The following PDE1C variants were observed in gnomAD, a reference collection of about 807,000 sequenced individuals.
PDE1C encodes phosphodiesterase 1C, also known as dual specificity calcium/calmodulin-dependent 3',5'-cyclic nucleotide phosphodiesterase 1C.
In PDE1C, 62 loss-of-function variants were observed where a neutral mutation model predicts 93.1. The observed-to-expected ratio is 0.67, with a 90% CI of 0.54 to 0.82. PDE1C has a LOEUF of 0.82. PDE1C is among the 40% of genes least tolerant of loss of function. The pLI is 0.00. For synonymous variants in PDE1C, 325 were observed against 310.1 expected, an observed-to-expected ratio of 1.05 and a Z score of -0.50; for missense variants, 742 against 884.6, an observed-to-expected ratio of 0.84 and a Z score of 2.04.
intron 2 of PDE1C, among the ~76,000 whole-genome samples, chr7:31,889,580 G>A (rs1313841437): frequency 1.3e-5 from 2 of 152,174 alleles, no homozygotes; most frequent in Non-Finnish European, 2.9e-5. Flanking sequence ...CTATGCCACA[G>A]AGGAGCCCTG....
intron 2 of PDE1C, among the ~76,000 whole-genome samples, chr7:32,043,149 C>T (rs1237526510): frequency 2.0e-5 from 3 of 152,136 alleles, no homozygotes; most frequent in East Asian, 1.9e-4. Flanking sequence ...TCCTACAATG[C>T]ACAGGACAGC....
chr7:31,941,195 C>A (rs1399678515), intron 2 of PDE1C: 1 of 152,922 alleles, frequency 6.5e-6, no homozygotes, highest in African/African-American at 2.4e-5. Context: ...CAAACACACT[C>A]TTTGAGCAAA....
intron 1 of PDE1C, among the ~76,000 whole-genome samples, chr7:32,067,335 C>CA (rs1169417968): frequency 1.3e-5 from 2 of 152,198 alleles, no homozygotes; most frequent in East Asian, 3.9e-4. Context: ...CAAAGCAAAC[C>CA]AAAAACCCTG....
At chr7:31,860,965 C>T (rs1429683790) in intron 7 of PDE1C, among the ~76,000 whole-genome samples, 1 of 152,044 alleles carries the variant, frequency 6.6e-6, no homozygotes, top group African/African-American at 2.4e-5. Context: ...GGGTGATTTT[C>T]CCTATTAAGT....
chr7:32,076,117 A>G (rs1036708900), upstream of PDE1C, among the ~76,000 whole-genome samples: 3 of 152,144 alleles, frequency 2.0e-5, no homozygotes, highest in African/African-American at 7.2e-5. Context: ...ACTATAATAG[A>G]CATAACCTAG....
chr7:31,887,691 A>C (rs1281183108), intron 2 of PDE1C, among the ~76,000 whole-genome samples: 3 of 152,224 alleles, frequency 2.0e-5, no homozygotes, highest in Non-Finnish European at 2.9e-5. Flanking sequence ...AAAACTGACC[A>C]TGTGCAGGGT....
At chr7:31,964,508 T>A (rs1223280393) in intron 2 of PDE1C, among the ~76,000 whole-genome samples, 1 of 152,234 alleles carries the variant, frequency 6.6e-6, no homozygotes, top group Admixed American at 6.5e-5. Flanking sequence ...CCTGCCTGCC[T>A]CTGTAGGCTC....
At chr7:32,019,389 T>C (rs568016347) in intron 2 of PDE1C, among the ~76,000 whole-genome samples, 2 of 152,048 alleles carry the variant, frequency 1.3e-5, no homozygotes, top group Non-Finnish European at 2.9e-5. Flanking sequence ...TACAATATGG[T>C]TGGTGCACAC....
intron 16 of PDE1C, chr7:31,785,910 C>T (rs1048628385): frequency 2.6e-5 from 4 of 152,136 alleles, no homozygotes; most frequent in Admixed American, 6.6e-5. Flanking sequence ...TGTCATTGCT[C>T]ATTATAATTT....
At chr7:31,714,638 T>A in the PDE1C span, among the ~76,000 whole-genome samples, 1 of 152,210 alleles carries the variant, frequency 6.6e-6, no homozygotes, top group Non-Finnish European at 1.5e-5. Flanking sequence ...TTCACATGGC[T>A]GAGGAGGCCT....
chr7:31,960,043 T>G (rs988480400), intron 2 of PDE1C, among the ~76,000 whole-genome samples: 12 of 146,604 alleles, frequency 8.2e-5, no homozygotes, highest in Admixed American at 6.2e-4. Flanking sequence ...TTTTTTTTTG[T>G]ATTGTTAGTA....
chr7:32,338,659 G>A (rs569419455), intron 1 of PDE1C, among the ~76,000 whole-genome samples: 104 of 152,194 alleles, frequency 6.8e-4, no homozygotes, highest in African/African-American at 2.0e-3. Context: ...TGAACACAGC[G>A]TCTCAAAGAG....
At chr7:31,626,109 A>G in the PDE1C span, among the ~76,000 whole-genome samples, 9 of 152,352 alleles carry the variant, frequency 5.9e-5, no homozygotes, top group African/African-American at 2.2e-4. Context: ...AACTTGGCAA[A>G]AACATGTTTT....
chr7:31,868,670 T>A (rs1188235651), intron 6 of PDE1C, among the ~76,000 whole-genome samples: 1 of 152,060 alleles, frequency 6.6e-6, no homozygotes, highest in South Asian at 2.1e-4. Flanking sequence ...AGCAATAGAC[T>A]TAGACACCCA....
intron 1 of PDE1C, among the ~76,000 whole-genome samples, chr7:32,357,988 T>C (rs1467201808): frequency 2.0e-5 from 3 of 152,210 alleles, no homozygotes; most frequent in African/African-American, 7.2e-5. Context: ...CAGGGGCACT[T>C]CCATGGGGCA....
At chr7:31,760,830 AATC>A (rs887584664) in intron 17 of PDE1C, among the ~76,000 whole-genome samples, 2 of 152,052 alleles carry the variant, frequency 1.3e-5, no homozygotes, top group African/African-American at 4.8e-5. Context: ...AAATTAAAAT[AATC>A]ATTTATTGCC....
intron 3 of PDE1C, among the ~76,000 whole-genome samples, chr7:32,141,772 T>C (rs998704755): frequency 3.3e-5 from 5 of 152,020 alleles, no homozygotes; most frequent in African/African-American, 1.2e-4. Context: ...AGTTTGAAGT[T>C]TAGTCAATAG....
intron 2 of PDE1C, among the ~76,000 whole-genome samples, chr7:31,926,722 C>A (rs1803436681): frequency 6.6e-6 from 1 of 152,176 alleles, no homozygotes; most frequent in African/African-American, 2.4e-5. Context: ...AGGGAAGCTG[C>A]TAGGGACTGT....
At chr7:32,233,621 T>G (rs1483711353) in intron 1 of PDE1C, among the ~76,000 whole-genome samples, 1 of 152,072 alleles carries the variant, frequency 6.6e-6, no homozygotes, top group African/African-American at 2.4e-5. Context: ...AAGGGTCAGT[T>G]CACAAAGAAG....
Sources: gnomAD v4.1 joint callset for allele counts (sites outside exome capture counted in the v4.1 genomes callset) on GRCh38, gnomAD v4.1.1 for gene constraint, MANE v1.5 for transcripts, NCBI Gene and HGNC (gene_info 2026-07-23, HGNC 2026-07-21) for gene names.